The following USP36 variants were observed in gnomAD, a reference collection of about 807,000 sequenced individuals.
The protein encoded by USP36 is ubiquitin carboxyl-terminal hydrolase 36.
USP36 carries 59 observed loss-of-function variants against 111.5 expected under a neutral mutation model. The observed-to-expected ratio is 0.53, with a 90% CI of 0.43 to 0.66. The LOEUF is 0.66. Ranked by LOEUF, USP36 falls within the 30% of genes least tolerant of loss-of-function variation. USP36 has a pLI of 0.00. For synonymous variants in USP36, 628 were observed against 581.0 expected (o/e 1.08, Z -1.16); for missense variants, 1,488 against 1,468.0 (o/e 1.01, Z -0.22).
intron 2 of USP36, among the ~76,000 whole-genome samples, chr17:78,838,180 G>C (rs2068856159): frequency 6.6e-6 from 1 of 152,166 alleles, no homozygotes; most frequent in South Asian, 2.1e-4. Context: ...AGGAATTCAA[G>C]ACCAGCCTGG....
chr17:78,829,445 G>C (rs1457812961), intron 4 of USP36, among the ~76,000 whole-genome samples: 1 of 152,226 alleles, frequency 6.6e-6, no homozygotes, highest in African/African-American at 2.4e-5. Context: ...CCCCTTAGTA[G>C]TGCCTCAGAT....
At chr17:78,816,540 CG>C (rs1284542885) in intron 10 of USP36, among the ~76,000 whole-genome samples, 2 of 151,848 alleles carry the variant, frequency 1.3e-5, no homozygotes, top group African/African-American at 2.4e-5. Context: ...GCAGGAGAAT[CG>C]CTTGAACTTG....
At chr17:78,806,029 C>T (rs915158689) in intron 15 of USP36, 127 bp downstream of exon 15, 1 of 1,518,792 alleles carries the variant, frequency 6.6e-7, no homozygotes, top group Non-Finnish European at 8.9e-7. Context: ...CCCCCTGTAC[C>T]TCCTGGCTGC....
chr17:78,806,401 AG>A (rs1357153832), intron 14 of USP36, 115 bp from the exon 15 acceptor site: 1 of 1,416,458 alleles, frequency 7.1e-7, no homozygotes, highest in Non-Finnish European at 9.5e-7. Context: ...CCAGAAAAAA[AG>A]ATGAGGAGAC....
intron 13 of USP36, among the ~76,000 whole-genome samples, chr17:78,809,671 G>A (rs1235241719): frequency 6.6e-6 from 1 of 152,072 alleles, no homozygotes; most frequent in Non-Finnish European, 1.5e-5. Flanking sequence ...TCATTCTGTT[G>A]TCCAGGCTGG....
chr17:78,813,749 C>T lies in USP36; in HGVS notation c.1265+24G>A, dbSNP rs374966269. 3.2e-5 allele frequency: 51 copies of T among 1,608,594 alleles called. 1 individual carries two copies. The Middle Eastern group carries it at 5.1e-3, about 162-fold the overall frequency. On this transcript the variant is annotated intron_variant, in intron 12 of 20. Transcript: ENST00000449938. ...AAAAGAGCAGAGGGAGTGAGCTCAT[C>T]TGGGGAGGGCGTGAGTTTATTACCG... is the stretch of plus-strand genomic sequence containing the variant.
intron 18 of USP36, 60 bp from the exon 19 acceptor site, chr17:78,799,083 C>T: frequency 1.3e-6 from 2 of 1,516,314 alleles, no homozygotes; most frequent in Non-Finnish European, 1.8e-6. Context: ...TGTGGCTTCA[C>T]TTCAAGAGTG....
rs1389942428 is a variant in USP36 at position 78,802,228 on chromosome 17, T to A, written c.3022+96A>T. ...CCTCGCCCAGTGCACGCCCATGCGG[T>A]CCCCCAACCCCTCGCCCGGTGCACA... On this transcript the variant is annotated intron_variant, in intron 17 of 20. Transcript: ENST00000449938. 5.6e-6 allele frequency: 6 copies of A among 1,064,940 alleles called. No homozygotes were observed. The African/African-American group carries it at 1.1e-4, about 20-fold the overall frequency. 66.0% of individuals were successfully genotyped at this position (1,064,940 alleles called of 1,614,324 possible).
intron 5 of USP36, 87 bp downstream of exon 5, chr17:78,828,810 G>T: frequency 1.5e-6 from 2 of 1,341,886 alleles, no homozygotes; most frequent in Non-Finnish European, 1.0e-6. Context: ...TTTAAGACCA[G>T]CCTGGGCAAC....
chr17:78,826,811 C>T (rs550203120), intron 6 of USP36: 1 of 418,264 alleles, frequency 2.4e-6, no homozygotes, highest in Admixed American at 3.8e-5. Flanking sequence ...CCTGTTTGTA[C>T]ATATACATGT....
rs2093678603 is a variant in USP36, at chr17:78,799,007, G to A, written c.3141C>T (p.Gly1047=). 6.2e-7 allele frequency: 1 copy of A among 1,613,870 alleles called. No individual in the cohort carries two copies. Among genetic ancestry groups the A allele is most frequent in the African/African-American group, 1.3e-5 (1 of 74,924 alleles). ...AYGRKVLTWD[G]KMSAVSQDAI... ...CATCCTGACTGACCGCCGACATCTT[G>A]CCATCCCAGGTCAGAACTACCAGGC... The change falls in exon 19 of 21, where the codon GGC becomes GGT. Residue 1047 remains glycine, a synonymous_variant. Transcript: ENST00000449938.
In USP36 at chr17:78,798,612, C is replaced by T. The variant is rs979139082; in HGVS notation, c.3241-61G>A. 17 of 1,600,808 alleles carry T rather than the reference C, an allele frequency of 1.1e-5. No individual in the cohort carries two copies. Among genetic ancestry groups the T allele is most frequent in the Non-Finnish European group, 1.4e-5 (16 of 1,178,570 alleles). On this transcript the variant is annotated intron_variant, in intron 19 of 20. Coordinates refer to ENST00000449938, the MANE Select transcript of USP36 (RefSeq NM_001385174.1). This position sits in a 1 kb window ranked among gnomAD's most constrained non-coding sequence, Gnocchi z 5.1. ...AACGGCTCTTTCCTGGCCCACGGGGCTCCATGCTGCATGCAGGTCCTGCAC... is the reference window on the plus strand; with the variant it reads ...AACGGCTCTTTCCTGGCCCACGGGGTTCCATGCTGCATGCAGGTCCTGCAC...
At chr17:78,815,927 C>CGCACACAT (rs1567942150) in intron 10 of USP36, among the ~76,000 whole-genome samples, 1 of 149,576 alleles carries the variant, frequency 6.7e-6, no homozygotes, top group Admixed American at 6.6e-5. Flanking sequence ...CGCACACATA[C>CGCACACAT]ACACACATAT....
chr17:78,838,085 G>A (rs749616993), intron 2 of USP36, among the ~76,000 whole-genome samples: 2 of 151,988 alleles, frequency 1.3e-5, no homozygotes, highest in African/African-American at 2.4e-5. Context: ...AACATCGTGA[G>A]ACCCCATCTT....
intron 14 of USP36, 43 bp downstream of exon 14, chr17:78,806,916 G>A (rs1260203162): frequency 1.3e-6 from 2 of 1,594,948 alleles, no homozygotes; most frequent in Non-Finnish European, 1.7e-6. Context: ...AACTCTTGGA[G>A]CTCTCCTGAT....
At chr17:78,799,152 G>T in intron 18 of USP36, 129 bp from the exon 19 acceptor site, 1 of 896,580 alleles carries the variant, frequency 1.1e-6, no homozygotes. Context: ...ACCTTGTGGT[G>T]AAGAGAAGGA....
In USP36 at chr17:78,795,972, G is replaced by A. The variant is rs1425160639; in HGVS notation, c.*1928C>T. 2 of 152,184 alleles carry A rather than the reference G, an allele frequency of 1.3e-5. No homozygotes were observed. Among genetic ancestry groups the A allele is most frequent in the East Asian group, 1.9e-4 (1 of 5,198 alleles). 9.4% of individuals were successfully genotyped at this position (152,184 alleles called of 1,614,324 possible). A position where few individuals can be genotyped will look rare whatever the true frequency, so the allele number is the denominator to read the frequency against. ...TGTACAAGACCTAGAGTTTGAACTCGTTTTCTGGGCCTCATCTTTCCCTTC... is the reference window on the plus strand; with the variant it reads ...TGTACAAGACCTAGAGTTTGAACTCATTTTCTGGGCCTCATCTTTCCCTTC... On this transcript the variant is annotated 3_prime_UTR_variant, in exon 21 of 21. Transcript: ENST00000449938. This position sits in a 1 kb window ranked among gnomAD's most constrained non-coding sequence, Gnocchi z 4.5.
chr17:78,807,664 C>T, intron 13 of USP36, 28 bp from the exon 14 acceptor site: 1 of 1,510,378 alleles, frequency 6.6e-7, no homozygotes, highest in South Asian at 1.4e-5. Context: ...GAAAACACAA[C>T]TGAGGAAGCG....
intron 2 of USP36, among the ~76,000 whole-genome samples, 181 bp from the exon 3 acceptor site, chr17:78,836,553 A>G (rs192951117): frequency 1.3e-5 from 2 of 152,296 alleles, no homozygotes; most frequent in Admixed American, 6.5e-5. Context: ...TCACTTGGAC[A>G]TATTAGTTCA....
Sources: allele counts gnomAD v4.1 joint callset (sites outside exome capture counted in the v4.1 genomes callset), GRCh38; gene constraint gnomAD v4.1.1; non-coding constraint Gnocchi (gnomAD v3.1); transcripts MANE v1.5; gene names NCBI Gene and HGNC (gene_info 2026-07-23, HGNC 2026-07-21).